The following PTPRM variants were observed in gnomAD, a reference collection of about 807,000 sequenced individuals.
PTPRM encodes protein tyrosine phosphatase receptor type M, also known as receptor-type tyrosine-protein phosphatase mu.
PTPRM carries 47 observed loss-of-function variants against 186.7 expected under a neutral mutation model. That is an observed-to-expected ratio of 0.25 (90% confidence interval 0.20 to 0.32). PTPRM has a LOEUF of 0.32. Ranked by LOEUF, PTPRM falls within the 10% of genes least tolerant of loss-of-function variation. The pLI is 1.00. For synonymous variants in PTPRM, 668 were observed against 674.9 expected, an observed-to-expected ratio of 0.99 and a Z score of 0.16; for missense variants, 1,494 against 1,865.0, an observed-to-expected ratio of 0.80 and a Z score of 3.66.
chr18:8,334,845 G>A (rs1486830475), intron 22 of PTPRM, among the ~76,000 whole-genome samples: 1 of 152,036 alleles, frequency 6.6e-6, no homozygotes. Context: ...TTGGATAGCT[G>A]GGCTCAGTTT....
In PTPRM at chr18:8,246,203, A is replaced by G. The variant is rs1409188906; in HGVS notation, c.2453-1642A>G. ...CTTCAGGAAAGATGTTCCTTAGACC[A>G]CAAGGCTGCCAGCACCACACCTATG... On this transcript the variant is annotated intron_variant, in intron 15 of 32. Coordinates refer to ENST00000580170, the MANE Select transcript of PTPRM (RefSeq NM_001105244.2). 3.9e-5 allele frequency among the ~76,000 whole-genome samples: 6 copies of G among 152,262 alleles called. No homozygotes were observed. In the East Asian group the frequency reaches 1.2e-3, roughly 29 times the overall value.
chr18:7,706,615 A>AC (rs2040096892), intron 1 of PTPRM, among the ~76,000 whole-genome samples: 2 of 148,948 alleles, frequency 1.3e-5, no homozygotes, highest in Non-Finnish European at 3.0e-5. Flanking sequence ...AAAAAAAAAA[A>AC]AAAAAAAAAA....
intron 22 of PTPRM, among the ~76,000 whole-genome samples, chr18:8,327,577 C>T (rs534051876): frequency 1.2e-4 from 18 of 152,298 alleles, no homozygotes; most frequent in Middle Eastern, 3.4e-3. Flanking sequence ...TTGGGACTTA[C>T]GATGTGCCAC....
At chr18:7,808,604 C>A in intron 2 of PTPRM, among the ~76,000 whole-genome samples, 1 of 152,280 alleles carries the variant, frequency 6.6e-6, no homozygotes, top group East Asian at 1.9e-4. Flanking sequence ...AATTTGGTGA[C>A]ATACTTCAGA....
chr18:8,204,767 AAAAC>A (rs950500475), intron 14 of PTPRM, among the ~76,000 whole-genome samples: 2 of 151,182 alleles, frequency 1.3e-5, no homozygotes, highest in African/African-American at 4.9e-5. Flanking sequence ...TAAAAAAACA[AAAAC>A]AAAAAAAAAA....
chr18:8,256,326 G>A (rs146064125), intron 19 of PTPRM, among the ~76,000 whole-genome samples: 90 of 152,212 alleles, frequency 5.9e-4, no homozygotes, highest in African/African-American at 1.9e-3. Flanking sequence ...TGTGACCTTC[G>A]GCAAGTTATC....
intron 5 of PTPRM, among the ~76,000 whole-genome samples, chr18:7,929,561 A>G (rs1299769029): frequency 1.3e-5 from 2 of 152,222 alleles, no homozygotes; most frequent in African/African-American, 2.4e-5. Context: ...ATGTTAGAAT[A>G]ATTTTACTGT....
chr18:8,077,624 G>T (rs2089899066), intron 9 of PTPRM, among the ~76,000 whole-genome samples: 1 of 152,074 alleles, frequency 6.6e-6, no homozygotes, highest in Non-Finnish European at 1.5e-5. Flanking sequence ...AATCAAACAA[G>T]TTCATATTAT....
chr18:8,330,890 G>T (rs1355284517), intron 22 of PTPRM, among the ~76,000 whole-genome samples: 1 of 152,126 alleles, frequency 6.6e-6, no homozygotes, highest in Non-Finnish European at 1.5e-5. Flanking sequence ...CCGCCATTCG[G>T]TCTGTCCCAG....
intron 7 of PTPRM, among the ~76,000 whole-genome samples, chr18:8,023,213 AG>A (rs1165993120): frequency 1.3e-5 from 2 of 152,276 alleles, no homozygotes; most frequent in African/African-American, 4.8e-5. Flanking sequence ...AAAGTCAGGA[AG>A]GAAAAGGGCT....
At chr18:8,078,022 A>G (rs990411349) in intron 9 of PTPRM, among the ~76,000 whole-genome samples, 2 of 152,244 alleles carry the variant, frequency 1.3e-5, no homozygotes, top group African/African-American at 4.8e-5. Context: ...AATGTGTCAT[A>G]AATCAGGGTT....
intron 7 of PTPRM, chr18:7,995,764 G>A (rs1255964713): frequency 6.6e-6 from 1 of 152,180 alleles, no homozygotes; most frequent in Non-Finnish European, 1.5e-5. Context: ...GAGTAAGACG[G>A]AGAGCATGCA....
intron 14 of PTPRM, among the ~76,000 whole-genome samples, chr18:8,178,552 G>A (rs1568471809): frequency 1.3e-5 from 2 of 152,112 alleles, no homozygotes; most frequent in South Asian, 4.1e-4. Context: ...GGGAGGCCGA[G>A]GCAGGTGGAT....
intron 7 of PTPRM, among the ~76,000 whole-genome samples, chr18:8,064,175 G>A (rs905922847): frequency 4.6e-5 from 7 of 152,058 alleles, no homozygotes; most frequent in Admixed American, 3.3e-4. Context: ...AAATTATTTA[G>A]TTGCTATGTA....
At chr18:7,796,921 T>C (rs1321979002) in intron 2 of PTPRM, among the ~76,000 whole-genome samples, 1 of 152,148 alleles carries the variant, frequency 6.6e-6, no homozygotes, top group Non-Finnish European at 1.5e-5. Context: ...GACCAAACAA[T>C]TATTACCAAG....
chr18:8,080,877 T>A (rs2145191242), intron 9 of PTPRM, among the ~76,000 whole-genome samples: 1 of 152,284 alleles, frequency 6.6e-6, no homozygotes, highest in Middle Eastern at 3.4e-3. Context: ...TTTGCTTAGA[T>A]TCATTCTGCC....
At chr18:8,215,957 G>T (rs1287275606) in intron 14 of PTPRM, among the ~76,000 whole-genome samples, 1 of 152,170 alleles carries the variant, frequency 6.6e-6, no homozygotes, top group Non-Finnish European at 1.5e-5. Context: ...CCCCCTGTCT[G>T]TCAATAACCA....
intron 20 of PTPRM, among the ~76,000 whole-genome samples, chr18:8,302,842 G>C (rs1466771222): frequency 6.6e-6 from 1 of 151,998 alleles, no homozygotes; most frequent in East Asian, 1.9e-4. Flanking sequence ...ATACTGGAAG[G>C]GAACCAGCTG....
In PTPRM at chr18:8,339,413, A is replaced by G. The variant is rs1017550666; in HGVS notation, c.2957-4010A>G. On this transcript the variant is annotated intron_variant, in intron 22 of 32. Coordinates refer to ENST00000580170, the MANE Select transcript of PTPRM (RefSeq NM_001105244.2). Reference sequence around the variant, plus strand: ...TTGCCTATTGTGCAAACATCTGTAAACGCACCACCACAGCAATTGCAGTGG... The same window carrying G: ...TTGCCTATTGTGCAAACATCTGTAAGCGCACCACCACAGCAATTGCAGTGG... Among the ~76,000 whole-genome samples the G allele has an allele frequency of 3.9e-5, 6 of 152,140 alleles. 1 individual carries two copies. Among genetic ancestry groups the G allele is most frequent in the Non-Finnish European group, 4.4e-5 (3 of 68,024 alleles).
Sources: gnomAD v4.1 joint callset for allele counts (sites outside exome capture counted in the v4.1 genomes callset) on GRCh38, gnomAD v4.1.1 for gene constraint, MANE v1.5 for transcripts, NCBI Gene and HGNC (gene_info 2026-07-23, HGNC 2026-07-21) for gene names.